Variants in PCDHGA5 observed in about 807,000 individuals in gnomAD.
The protein encoded by PCDHGA5 is protocadherin gamma subfamily A, 5.
A neutral mutation model predicts 56.7 loss-of-function variants in PCDHGA5; 36 were observed. The observed-to-expected ratio is 0.64, with a 90% CI of 0.49 to 0.84. PCDHGA5 has a LOEUF of 0.84. PCDHGA5 is among the 40% of genes least tolerant of loss of function. The pLI, the probability that PCDHGA5 is intolerant of heterozygous loss-of-function variation, is 0.00. For missense variants in PCDHGA5, 1,305 were observed against 1,201.5 expected, an observed-to-expected ratio of 1.09 and a Z score of -1.27; for synonymous variants, 563 against 520.2, an observed-to-expected ratio of 1.08 and a Z score of -1.12.
intron 1 of PCDHGA5, chr5:141,403,462 C>A: frequency 6.2e-7 from 1 of 1,614,050 alleles, no homozygotes; most frequent in South Asian, 1.1e-5. Flanking sequence ...TCCAGAGCTA[C>A]CAGCTCAGCC....
chr5:141,367,096 G>A (rs1364732092), intron 1 of PCDHGA5: 1 of 251,526 alleles, frequency 4.0e-6, no homozygotes, highest in East Asian at 1.1e-4. Flanking sequence ...TCTCTTTTGA[G>A]TGTCTGCCTA....
rs747437039 is a variant in PCDHGA5 at position 141,413,919 on chromosome 5, G to T, written c.2421+47168G>T. The T allele has an allele frequency of 1.2e-5, 19 of 1,613,284 alleles. 1 individual carries two copies. The highest frequency in any genetic ancestry group is 1.6e-5 in the Non-Finnish European group (19 of 1,179,890). ...ATGACAACGCGCCGGTCTTCACCTT[G>T]CCAGAATACCGAGTGAGTGTTCCTG... On this transcript the variant is annotated intron_variant, in intron 1 of 3. Transcript: ENST00000518069.
chr5:141,481,913 CAAAAAA>C (rs34114744), intron 1 of PCDHGA5, among the ~76,000 whole-genome samples: 1 of 90,850 alleles, frequency 1.1e-5, no homozygotes. Flanking sequence ...AACTCCATCT[CAAAAAA>C]AAAAAAAAAA....
intron 1 of PCDHGA5, chr5:141,399,670 G>A (rs2093861747): frequency 6.2e-7 from 1 of 1,613,610 alleles, no homozygotes; most frequent in Non-Finnish European, 8.5e-7. Flanking sequence ...CGCGCAGCGC[G>A]CCTTTGACTA....
At chr5:141,441,831 C>T in intron 1 of PCDHGA5, 3 of 352,742 alleles carry the variant, frequency 8.5e-6, no homozygotes, top group South Asian at 7.2e-5. Context: ...AGCGCAATGG[C>T]TTCGCGCTCT....
intron 1 of PCDHGA5, among the ~76,000 whole-genome samples, chr5:141,430,143 A>C (rs1451633366): frequency 2.0e-5 from 3 of 152,180 alleles, no homozygotes; most frequent in Non-Finnish European, 4.4e-5. Flanking sequence ...TCCATTCAGG[A>C]TCATTCAAGG....
In PCDHGA5 at chr5:141,422,884, G is replaced by C. The variant is rs202035589; in HGVS notation, c.2421+56133G>C. On this transcript the variant is annotated intron_variant, in intron 1 of 3. Transcript: ENST00000518069. ...CAGCAACGTGTCGCTGAGCCTGTTC[G>C]TGCTGGACCAGAACGACAATGCGCC... The C allele has an allele frequency of 1.7e-4, 278 of 1,614,240 alleles. No homozygotes were observed. The African/African-American group carries it at 2.0e-3, about 12-fold the overall frequency.
intron 1 of PCDHGA5, among the ~76,000 whole-genome samples, chr5:141,446,107 T>C (rs1031524158): frequency 6.6e-6 from 1 of 152,130 alleles, no homozygotes; most frequent in Admixed American, 6.5e-5. Flanking sequence ...TATAGATATA[T>C]TTAGGAAATG....
chr5:141,496,959 G>C (rs1451127360), intron 2 of PCDHGA5, among the ~76,000 whole-genome samples: 2 of 151,894 alleles, frequency 1.3e-5, no homozygotes, highest in Non-Finnish European at 2.9e-5. Flanking sequence ...GCCAAGGTGG[G>C]TAGATCACTT....
intron 1 of PCDHGA5, among the ~76,000 whole-genome samples, chr5:141,443,034 A>T (rs368996869): frequency 2.0e-5 from 3 of 152,172 alleles, no homozygotes; most frequent in East Asian, 3.8e-4. Context: ...CCAGACCTAA[A>T]CTTTGAAAAT....
At chr5:141,463,493 G>C (rs2099061978) in intron 1 of PCDHGA5, among the ~76,000 whole-genome samples, 1 of 128,844 alleles carries the variant, frequency 7.8e-6, no homozygotes, top group Admixed American at 9.6e-5. Flanking sequence ...CTGTCACCCA[G>C]GCTGGAGTGA....
At chr5:141,506,213 A>G (rs2154593866) in intron 3 of PCDHGA5, among the ~76,000 whole-genome samples, 1 of 152,204 alleles carries the variant, frequency 6.6e-6, no homozygotes, top group South Asian at 2.1e-4. Flanking sequence ...CACTTTGGGA[A>G]GCTGAGGCAG....
Position 141,485,193 on chromosome 5 carries a change from G to C in PCDHGA5, c.2422-9614G>C. 1 of 1,613,988 alleles carries C rather than the reference G, an allele frequency of 6.2e-7. No individual in the cohort carries two copies. Among genetic ancestry groups the C allele is most frequent in the Non-Finnish European group, 8.5e-7 (1 of 1,179,852 alleles). On this transcript the variant is annotated intron_variant, in intron 1 of 3. Transcript: ENST00000518069. This position sits in a 1 kb window ranked among gnomAD's most constrained non-coding sequence, Gnocchi z 5.7. ...GCAGCAATGCTCCGCAAGGTGAGAA[G>C]CTGGACAGAAATCTGGCGGTGGGCT...
At chr5:141,421,827 C>A in intron 1 of PCDHGA5, 1 of 1,613,802 alleles carries the variant, frequency 6.2e-7, no homozygotes, top group Non-Finnish European at 8.5e-7. Flanking sequence ...TGGAGGGAAG[C>A]CTGGACCGAG....
intron 1 of PCDHGA5, among the ~76,000 whole-genome samples, chr5:141,443,070 T>C (rs983773796): frequency 6.6e-6 from 1 of 152,244 alleles, no homozygotes; most frequent in African/African-American, 2.4e-5. Flanking sequence ...GAGCGTCTTA[T>C]GACTGAGTGT....
chr5:141,394,120 C>G, intron 1 of PCDHGA5: 3 of 1,613,954 alleles, frequency 1.9e-6, no homozygotes, highest in Non-Finnish European at 1.7e-6. Context: ...TCCACTGAAA[C>G]TCAAATCGCT....
At chr5:141,420,006 GAC>G (rs745722189) in intron 1 of PCDHGA5, 1 of 1,613,936 alleles carries the variant, frequency 6.2e-7, no homozygotes, top group African/African-American at 1.3e-5. Flanking sequence ...CTACGCCTGC[GAC>G]AGTCTTTCAG....
At chr5:141,418,908 C>T (rs1037628215) in intron 1 of PCDHGA5, 1 of 1,613,814 alleles carries the variant, frequency 6.2e-7, no homozygotes, top group Non-Finnish European at 8.5e-7. Context: ...ATAATCATCA[C>T]GTCACTCTCT....
At chr5:141,410,038 T>C (rs1364065272) in intron 1 of PCDHGA5, 2 of 1,613,086 alleles carry the variant, frequency 1.2e-6, no homozygotes, top group African/African-American at 1.3e-5. Flanking sequence ...TGCAGGCCAG[T>C]GAGCCCGGAC....
Sources: gnomAD v4.1 joint callset for allele counts (sites outside exome capture counted in the v4.1 genomes callset) on GRCh38, gnomAD v4.1.1 for gene constraint, Gnocchi (gnomAD v3.1) non-coding constraint, MANE v1.5 for transcripts, NCBI Gene and HGNC (gene_info 2026-07-23, HGNC 2026-07-21) for gene names.